MGST1: variants seen among roughly 807,000 people sequenced by gnomAD.
The protein encoded by MGST1 is glutathione S-transferase 12.
A neutral mutation model predicts 8.9 loss-of-function variants in MGST1; 5 were observed. That is an observed-to-expected ratio of 0.56 (90% CI 0.29 to 1.19). The LOEUF (loss-of-function observed/expected upper bound fraction) is 1.19, where lower values mean the gene tolerates loss of function less well. Among genes scored for constraint, MGST1 ranks in the 50% most tolerant of loss-of-function variants. The probability of loss-of-function intolerance (pLI) is 0.08; values close to 1 mark genes in which losing one functional copy is unlikely to be tolerated. For missense variants in MGST1, 182 were observed against 187.4 expected, an observed-to-expected ratio of 0.97 and a Z score of 0.17; for synonymous variants, 54 against 67.8, an observed-to-expected ratio of 0.80 and a Z score of 1.00.
intron 4 of MGST1, among the ~76,000 whole-genome samples, chr12:16,508,673 T>G (rs1241113454): frequency 6.6e-6 from 1 of 152,146 alleles, no homozygotes; most frequent in Non-Finnish European, 1.5e-5. Context: ...CTGACAACAG[T>G]TTAATTGCTG....
rs952303994 is a variant in MGST1, at chr12:16,401,952, T to C, written n.778+18348T>C. ...ACTGATATCTATTTTGTCAAAGCCT[T>C]CTTTGTTGAGGCAGTCATTCCAGCT... On this transcript the variant is annotated intron_variant and non_coding_transcript_variant, in intron 1 of 1. Transcript: ENST00000359720. The surrounding 1 kb of genome is among the most constrained non-coding windows in gnomAD (Gnocchi z 4.3). 3.1e-6 allele frequency: 5 copies of C among 1,612,110 alleles called. No individual in the cohort carries two copies. The African/African-American group carries it at 6.7e-5, about 22-fold the overall frequency.
intron 4 of MGST1, among the ~76,000 whole-genome samples, chr12:16,475,775 T>G (rs1367426326): frequency 6.6e-6 from 1 of 152,136 alleles, no homozygotes; most frequent in Non-Finnish European, 1.5e-5. Flanking sequence ...GTGTCCCTGT[T>G]GCACTCCCTT....
In MGST1 at chr12:16,537,296, T is replaced by A. The variant is rs1233265375; in HGVS notation, n.483-52232T>A. Among the ~76,000 whole-genome samples the A allele has an allele frequency of 6.6e-6, 1 of 152,180 alleles. No homozygotes were observed. The highest frequency in any genetic ancestry group is 1.5e-5 in the Non-Finnish European group (1 of 68,032). ...TGATGCAAGAGGTAGGTTCCCATAGTCTTGGGCAACTCCACCCCTATGGCT... is the reference window on the plus strand; with the variant it reads ...TGATGCAAGAGGTAGGTTCCCATAGACTTGGGCAACTCCACCCCTATGGCT... On this transcript the variant is annotated intron_variant and non_coding_transcript_variant, in intron 4 of 4. Transcript: ENST00000538857. This position sits in a 1 kb window ranked among gnomAD's most constrained non-coding sequence, Gnocchi z 4.6.
intron 1 of MGST1, chr12:16,399,752 G>T: frequency 8.7e-7 from 1 of 1,153,354 alleles, no homozygotes; most frequent in Non-Finnish European, 1.3e-6. Flanking sequence ...CTCCTTCTGT[G>T]TACTTCAGGT....
At chr12:16,580,999 CTAA>C (rs554717347) in intron 4 of MGST1, among the ~76,000 whole-genome samples, 3 of 152,264 alleles carry the variant, frequency 2.0e-5, no homozygotes, top group African/African-American at 7.2e-5. Context: ...TATTTTATAA[CTAA>C]TGTTTTGATG....
At position 16,560,602 on chromosome 12, in the gene MGST1, G is replaced by T; in HGVS notation, n.483-28926G>T. ...ACAGAGAAATCTGAGATCGTGAAGAGAGATGATGTTAATATACTCTGTAAA... is the reference window on the plus strand; with the variant it reads ...ACAGAGAAATCTGAGATCGTGAAGATAGATGATGTTAATATACTCTGTAAA... On this transcript the variant is annotated intron_variant and non_coding_transcript_variant, in intron 4 of 4. Coordinates refer to the MGST1 transcript ENST00000538857. The surrounding 1 kb of genome is among the most constrained non-coding windows in gnomAD (Gnocchi z 5.0). The T allele has an allele frequency of 1.4e-6, 2 of 1,447,750 alleles. No individual in the cohort carries two copies. Among genetic ancestry groups the T allele is most frequent in the East Asian group, 2.3e-5 (1 of 43,372 alleles). 89.7% of individuals were successfully genotyped at this position (1,447,750 alleles called of 1,614,324 possible). A position where few individuals can be genotyped will look rare whatever the true frequency, so the allele number is the denominator to read the frequency against.
intron 4 of MGST1, among the ~76,000 whole-genome samples, chr12:16,448,063 T>A: frequency 6.6e-6 from 1 of 151,750 alleles, no homozygotes; most frequent in Non-Finnish European, 1.5e-5. Context: ...TGTCGAGATA[T>A]CCAATGAAGC....
intron 3 of MGST1, among the ~76,000 whole-genome samples, chr12:16,359,613 T>A (rs1353534234): frequency 6.6e-6 from 1 of 151,468 alleles, no homozygotes; most frequent in Non-Finnish European, 1.5e-5. Context: ...CGAAAAAAAA[T>A]AAAAAAAAGT....
At chr12:16,502,259 A>C (rs906324881) in intron 4 of MGST1, among the ~76,000 whole-genome samples, 6 of 152,206 alleles carry the variant, frequency 3.9e-5, no homozygotes, top group Non-Finnish European at 7.4e-5. Flanking sequence ...CATTCCATTA[A>C]GTTAGCAAAT....
intron 4 of MGST1, among the ~76,000 whole-genome samples, chr12:16,588,424 C>T (rs1943389996): frequency 6.6e-6 from 1 of 151,698 alleles, no homozygotes; most frequent in African/African-American, 2.4e-5. Context: ...CTAAAACAAC[C>T]TAAAATTTTA....
At chr12:16,564,708 C>T (rs1317196406) in intron 4 of MGST1, among the ~76,000 whole-genome samples, 3 of 152,192 alleles carry the variant, frequency 2.0e-5, no homozygotes, top group African/African-American at 7.2e-5. Context: ...ACAAATATGT[C>T]ACTGCAGTAA....
Position 16,362,363 on chromosome 12 carries a change from C to A in MGST1, c.222-1432C>A, listed in dbSNP as rs774807371. On this transcript the variant is annotated intron_variant, in intron 3 of 3. Coordinates refer to ENST00000396210, the MANE Select transcript of MGST1 (RefSeq NM_020300.5). The surrounding 1 kb of genome is among the most constrained non-coding windows in gnomAD (Gnocchi z 4.4). ...CATTACTTAGCTGGGCTGCTGCTGT[C>A]CTCTTCATGTCTCTATGTAGTCATC... Among the ~76,000 whole-genome samples, 9 of 113,450 alleles carry A rather than the reference C, an allele frequency of 7.9e-5. No homozygotes were observed. The highest frequency in any genetic ancestry group is 1.6e-4 in the Non-Finnish European group (9 of 56,668). 74.4% of individuals were successfully genotyped at this position (113,450 alleles called of 152,430 possible).
intron 4 of MGST1, among the ~76,000 whole-genome samples, chr12:16,557,880 T>C (rs896920808): frequency 8.5e-5 from 13 of 152,072 alleles, no homozygotes; most frequent in Admixed American, 3.9e-4. Context: ...TCTGAATCTC[T>C]TCTCACTATA....
At chr12:16,455,355 A>G (rs561064683) in intron 4 of MGST1, among the ~76,000 whole-genome samples, 4 of 152,012 alleles carry the variant, frequency 2.6e-5, no homozygotes, top group Non-Finnish European at 4.4e-5. Context: ...GCCACACAGT[A>G]AGGGGCCCAC....
chr12:16,559,369 T>A lies in MGST1; in HGVS notation n.483-30159T>A, dbSNP rs1377233453. Reference sequence around the variant, plus strand: ...AAAATGGAATTAAGTGATAATACTTTTCAGCTGAAAGAATTCTCTGAGATG... The same window carrying A: ...AAAATGGAATTAAGTGATAATACTTATCAGCTGAAAGAATTCTCTGAGATG... On this transcript the variant is annotated intron_variant and non_coding_transcript_variant, in intron 4 of 4. Coordinates refer to the MGST1 transcript ENST00000538857. The surrounding 1 kb of genome is among the most constrained non-coding windows in gnomAD (Gnocchi z 4.1). Among the ~76,000 whole-genome samples, 3 of 152,190 alleles carry A rather than the reference T, an allele frequency of 2.0e-5. No individual in the cohort carries two copies. The highest frequency in any genetic ancestry group is 2.9e-5 in the Non-Finnish European group (2 of 68,028).
chr12:16,348,426 C>T (rs1410200599), intron 1 of MGST1, among the ~76,000 whole-genome samples: 1 of 152,108 alleles, frequency 6.6e-6, no homozygotes, highest in Admixed American at 6.5e-5. Context: ...CTCTCTTTTT[C>T]GGGAATTAAG....
intron 4 of MGST1, among the ~76,000 whole-genome samples, chr12:16,526,093 T>TTGCC (rs1348832195): frequency 1.4e-5 from 2 of 146,782 alleles, no homozygotes; most frequent in Non-Finnish European, 3.0e-5. Flanking sequence ...ATTTTGTAGG[T>TTGCC]TGCCTGTTCA....
intron 4 of MGST1, among the ~76,000 whole-genome samples, chr12:16,561,644 C>G (rs565696961): frequency 6.6e-6 from 1 of 152,184 alleles, no homozygotes; most frequent in Non-Finnish European, 1.5e-5. Flanking sequence ...GCTGAAGTCT[C>G]TCATTACTTT....
intron 1 of MGST1, chr12:16,349,024 A>G (rs1318374503): frequency 1.3e-5 from 2 of 152,138 alleles, no homozygotes; most frequent in Non-Finnish European, 2.9e-5. Flanking sequence ...CCCACTTTGC[A>G]TGAGACCACA....
Sources: gnomAD v4.1 joint callset for allele counts (sites outside exome capture counted in the v4.1 genomes callset) on GRCh38, gnomAD v4.1.1 for gene constraint, Gnocchi (gnomAD v3.1) non-coding constraint, MANE v1.5 for transcripts, NCBI Gene and HGNC (gene_info 2026-07-23, HGNC 2026-07-21) for gene names.